Variants in CSMD1 observed in about 807,000 individuals in gnomAD.
CSMD1 encodes CUB and Sushi multiple domains 1.
CSMD1 carries 213 observed loss-of-function variants against 417.5 expected under a neutral mutation model. That is an observed-to-expected ratio of 0.51 (90% CI 0.46 to 0.57). CSMD1 has a LOEUF of 0.57. CSMD1 is among the 20% of genes least tolerant of loss of function. The probability of loss-of-function intolerance (pLI) is 0.00; values close to 1 mark genes in which losing one functional copy is unlikely to be tolerated. For missense variants in CSMD1, 6,923 were observed against 4,529.7 expected (o/e 1.53, Z -15.17); for synonymous variants, 2,862 against 1,736.8 (o/e 1.65, Z -16.11).
chr8:3,100,846 G>C (rs578260432), intron 46 of CSMD1, among the ~76,000 whole-genome samples: 1 of 152,090 alleles, frequency 6.6e-6, no homozygotes, highest in Non-Finnish European at 1.5e-5. Context: ...AGCACCTATA[G>C]GTATGACAGA....
chr8:3,051,598 A>G (rs118109037), intron 50 of CSMD1, among the ~76,000 whole-genome samples: 2,429 of 152,308 alleles, frequency 0.016, 24 homozygotes, highest in East Asian at 0.032. Flanking sequence ...ACCTAAAATA[A>G]AGTTTTTTTT....
At chr8:3,306,547 T>G (rs898110768) in intron 25 of CSMD1, among the ~76,000 whole-genome samples, 10 of 152,164 alleles carry the variant, frequency 6.6e-5, no homozygotes, top group Non-Finnish European at 1.0e-4. Context: ...TTTAGTCTTT[T>G]GTGGGTATAA....
intron 5 of CSMD1, among the ~76,000 whole-genome samples, chr8:3,891,851 G>C (rs1198079594): frequency 6.6e-6 from 1 of 152,146 alleles, no homozygotes; most frequent in South Asian, 2.1e-4. Flanking sequence ...ATCCATTAAA[G>C]CTTGCCCAAA....
At chr8:3,337,287 C>T (rs888670573) in intron 23 of CSMD1, among the ~76,000 whole-genome samples, 1 of 152,128 alleles carries the variant, frequency 6.6e-6, no homozygotes, top group African/African-American at 2.4e-5. Context: ...AAATAAATTG[C>T]TTTTATTATT....
chr8:3,716,092 G>A (rs1386403191), intron 6 of CSMD1, among the ~76,000 whole-genome samples: 1 of 152,192 alleles, frequency 6.6e-6, no homozygotes, highest in Non-Finnish European at 1.5e-5. Flanking sequence ...ACTTCCTCCT[G>A]AAAGCACTTT....
chr8:4,451,615 C>A (rs78232803), intron 2 of CSMD1, among the ~76,000 whole-genome samples: 20,160 of 152,014 alleles, frequency 0.13, 1,418 homozygotes, highest in South Asian at 0.21. Context: ...AGGTTATATT[C>A]AAGAAGGAAT....
chr8:3,867,221 TG>T (rs1805165948), intron 5 of CSMD1, among the ~76,000 whole-genome samples: 2 of 152,172 alleles, frequency 1.3e-5, no homozygotes, highest in Non-Finnish European at 2.9e-5. Flanking sequence ...AATTAATGCA[TG>T]AATAAATTAG....
chr8:4,941,793 C>T (rs1462592833), intron 1 of CSMD1, among the ~76,000 whole-genome samples: 2 of 152,006 alleles, frequency 1.3e-5, no homozygotes, highest in Non-Finnish European at 2.9e-5. Flanking sequence ...GGGACAGGGT[C>T]TCCCCATGTT....
chr8:3,231,312 G>C (rs1049623004), intron 26 of CSMD1, among the ~76,000 whole-genome samples: 9 of 152,154 alleles, frequency 5.9e-5, no homozygotes, highest in East Asian at 1.9e-4. Context: ...ACAATTAAAA[G>C]CTGACTTTTT....
intron 3 of CSMD1, among the ~76,000 whole-genome samples, chr8:4,314,614 C>T (rs915237964): frequency 1.3e-5 from 2 of 152,122 alleles, no homozygotes; most frequent in Non-Finnish European, 2.9e-5. Context: ...CACACACACA[C>T]ACACACACAC....
At chr8:3,000,960 T>C (rs1449546329) in intron 52 of CSMD1, among the ~76,000 whole-genome samples, 3 of 151,800 alleles carry the variant, frequency 2.0e-5, no homozygotes, top group Non-Finnish European at 2.9e-5. Flanking sequence ...CCTCTGACAT[T>C]ATTCCACTCA....
At chr8:4,492,337 A>G (rs1801747126) in intron 2 of CSMD1, among the ~76,000 whole-genome samples, 1 of 152,158 alleles carries the variant, frequency 6.6e-6, no homozygotes, top group Non-Finnish European at 1.5e-5. Context: ...TGATCCAAGG[A>G]GAAAATTTAA....
At chr8:2,993,530 TA>T (rs1405773567) in intron 54 of CSMD1, among the ~76,000 whole-genome samples, 1 of 152,156 alleles carries the variant, frequency 6.6e-6, no homozygotes, top group African/African-American at 2.4e-5. Context: ...ACTTTAAAAA[TA>T]TTTTTTAGGA....
At chr8:3,036,963 C>T (rs1228808823) in intron 50 of CSMD1, among the ~76,000 whole-genome samples, 2 of 152,154 alleles carry the variant, frequency 1.3e-5, no homozygotes, top group Non-Finnish European at 2.9e-5. Flanking sequence ...TTTTATCCCT[C>T]ACCCATCTTC....
At chr8:4,535,191 G>C (rs754565544) in intron 2 of CSMD1, among the ~76,000 whole-genome samples, 1 of 152,086 alleles carries the variant, frequency 6.6e-6, no homozygotes, top group Non-Finnish European at 1.5e-5. Flanking sequence ...GGTATATAAA[G>C]AACTGCTTGA....
intron 3 of CSMD1, among the ~76,000 whole-genome samples, chr8:4,212,586 TTGTC>T (rs1800380994): frequency 6.6e-6 from 1 of 152,182 alleles, no homozygotes; most frequent in Non-Finnish European, 1.5e-5. Flanking sequence ...AGGCCTGACA[TTGTC>T]AGTAGGTGGT....
At chr8:3,360,057 A>C (rs151143423) in intron 20 of CSMD1, among the ~76,000 whole-genome samples, 1 of 152,194 alleles carries the variant, frequency 6.6e-6, no homozygotes, top group Non-Finnish European at 1.5e-5. Flanking sequence ...CATAAAAGCA[A>C]AGGCACAGGG....
chr8:4,467,880 T>C (rs2130016397), intron 2 of CSMD1, among the ~76,000 whole-genome samples: 1 of 152,268 alleles, frequency 6.6e-6, no homozygotes, highest in East Asian at 1.9e-4. Context: ...AAAAACAGAA[T>C]CATCTAGTGG....
intron 50 of CSMD1, among the ~76,000 whole-genome samples, chr8:3,034,499 A>G (rs1236097851): frequency 6.6e-6 from 1 of 152,220 alleles, no homozygotes; most frequent in Non-Finnish European, 1.5e-5. Flanking sequence ...AGGTACAAAT[A>G]TATATGTATA....
Sources: gnomAD v4.1 joint callset for allele counts (sites outside exome capture counted in the v4.1 genomes callset) on GRCh38, gnomAD v4.1.1 for gene constraint, MANE v1.5 for transcripts, NCBI Gene and HGNC (gene_info 2026-07-23, HGNC 2026-07-21) for gene names.